The following DLG2 variants were observed in gnomAD, a reference collection of about 807,000 sequenced individuals.
DLG2 encodes the protein discs large MAGUK scaffold protein 2, also known as disks large homolog 2.
In DLG2, 45 loss-of-function variants were observed where a neutral mutation model predicts 132.5. The ratio of observed to expected loss-of-function variants is 0.34; its 90% confidence interval spans 0.27 to 0.44. The LOEUF is 0.44. Among genes scored for constraint, DLG2 ranks in the 20% least tolerant of loss-of-function variants. The pLI is 1.00. For missense variants in DLG2, 1,045 were observed against 1,196.9 expected, an observed-to-expected ratio of 0.87 and a Z score of 1.87; for synonymous variants, 424 against 419.6, an observed-to-expected ratio of 1.01 and a Z score of -0.13.
chr11:85,355,071 T>C (rs956389746), intron 3 of DLG2, among the ~76,000 whole-genome samples: 7 of 152,192 alleles, frequency 4.6e-5, no homozygotes, highest in Non-Finnish European at 1.0e-4. Context: ...TAATATGCCA[T>C]TTAATAAATC....
At chr11:84,134,692 CTG>C (rs5793105) in intron 9 of DLG2, among the ~76,000 whole-genome samples, 69 of 149,624 alleles carry the variant, frequency 4.6e-4, no homozygotes, top group East Asian at 2.0e-3. Flanking sequence ...CTTTTGTTAT[CTG>C]TGTGTGTGTG....
At chr11:84,755,635 G>A (rs1447348622) in intron 6 of DLG2, among the ~76,000 whole-genome samples, 3 of 152,222 alleles carry the variant, frequency 2.0e-5, no homozygotes, top group Non-Finnish European at 4.4e-5. Context: ...GTGTTAGCCA[G>A]GATGGACTCA....
chr11:83,655,754 C>G (rs571383707), intron 18 of DLG2, among the ~76,000 whole-genome samples: 1 of 152,334 alleles, frequency 6.6e-6, no homozygotes, highest in South Asian at 2.1e-4. Context: ...CCCTGGCCTA[C>G]CAACCCCTCT....
rs113376066 is a variant in DLG2 at position 83,833,377 on chromosome 11, G to A, written c.1722+237C>T. Among the ~76,000 whole-genome samples the A allele has an allele frequency of 8.3e-3, 1,261 of 152,310 alleles. 11 individuals are homozygous for A. Among genetic ancestry groups the A allele is most frequent in the East Asian group, 0.027 (140 of 5,190 alleles). On this transcript the variant is annotated intron_variant, in intron 17 of 27. Coordinates refer to ENST00000376104, the MANE Select transcript of DLG2 (RefSeq NM_001142699.3). ...CACCTCAACCCGGGAGGCAGAGGTT[G>A]CAGTGAGCTGAGATCCTGCCACTGC... is the stretch of plus-strand genomic sequence containing the variant.
intron 6 of DLG2, among the ~76,000 whole-genome samples, chr11:84,927,292 G>A (rs1455782221): frequency 6.6e-6 from 1 of 151,892 alleles, no homozygotes; most frequent in African/African-American, 2.4e-5. Flanking sequence ...AGTTCTTATA[G>A]GTAGATAGAG....
At chr11:84,271,903 G>A (rs188715666) in intron 7 of DLG2, among the ~76,000 whole-genome samples, 2 of 135,320 alleles carry the variant, frequency 1.5e-5, no homozygotes, top group Non-Finnish European at 3.0e-5. Flanking sequence ...CTCCGTGAAC[G>A]AGGAAATACT....
At chr11:84,847,345 C>T (rs1812110981) in intron 6 of DLG2, among the ~76,000 whole-genome samples, 1 of 152,064 alleles carries the variant, frequency 6.6e-6, no homozygotes, top group African/African-American at 2.4e-5. Context: ...CTTGCATTAA[C>T]ATGAAAAGTA....
intron 3 of DLG2, among the ~76,000 whole-genome samples, chr11:85,467,085 G>A (rs1250597840): frequency 6.6e-6 from 1 of 152,130 alleles, no homozygotes; most frequent in South Asian, 2.1e-4. Context: ...GTGAATGGGA[G>A]TTCACTCATG....
chr11:84,473,287 G>T (rs2099113309), intron 7 of DLG2, among the ~76,000 whole-genome samples: 1 of 151,930 alleles, frequency 6.6e-6, no homozygotes, highest in Non-Finnish European at 1.5e-5. Context: ...CTCATTTTGA[G>T]GCCACTAAAG....
intron 6 of DLG2, among the ~76,000 whole-genome samples, chr11:84,994,263 C>A (rs988164359): frequency 9.9e-5 from 15 of 152,156 alleles, no homozygotes; most frequent in Non-Finnish European, 1.8e-4. Flanking sequence ...CCTCATGTAG[C>A]CACTATTTTA....
chr11:85,191,559 C>A (rs2080578467), intron 4 of DLG2, among the ~76,000 whole-genome samples: 1 of 152,170 alleles, frequency 6.6e-6, no homozygotes, highest in Non-Finnish European at 1.5e-5. Flanking sequence ...CATATCCCAT[C>A]ACTAATTTTC....
intron 7 of DLG2, among the ~76,000 whole-genome samples, chr11:84,399,529 G>A (rs528640488): frequency 1.3e-5 from 2 of 152,186 alleles, no homozygotes; most frequent in South Asian, 2.1e-4. Context: ...GAGTTCAAGC[G>A]ATTATCCTGC....
chr11:84,352,513 C>A (rs1402214716), intron 7 of DLG2, among the ~76,000 whole-genome samples: 1 of 152,008 alleles, frequency 6.6e-6, no homozygotes, highest in South Asian at 2.1e-4. Flanking sequence ...ACTACATTTC[C>A]CAGAATTTTG....
At chr11:85,013,060 G>A (rs2059285650) in intron 6 of DLG2, among the ~76,000 whole-genome samples, 1 of 152,256 alleles carries the variant, frequency 6.6e-6, no homozygotes, top group South Asian at 2.1e-4. Flanking sequence ...TGCCTTCAGA[G>A]ATAGTATTTA....
chr11:84,668,426 A>AACC, intron 6 of DLG2, among the ~76,000 whole-genome samples: 1 of 152,302 alleles, frequency 6.6e-6, no homozygotes, highest in African/African-American at 2.4e-5. Flanking sequence ...AATAGAAGGT[A>AACC]ACCAGCTTCC....
At chr11:84,671,284 G>A (rs2099705664) in intron 6 of DLG2, among the ~76,000 whole-genome samples, 1 of 151,670 alleles carries the variant, frequency 6.6e-6, no homozygotes, top group Admixed American at 6.6e-5. Context: ...AATTTTTTTT[G>A]TAGAGACAGG....
intron 21 of DLG2, among the ~76,000 whole-genome samples, chr11:83,505,364 A>C (rs2094641008): frequency 6.6e-6 from 1 of 152,138 alleles, no homozygotes; most frequent in Non-Finnish European, 1.5e-5. Context: ...GCCCATGCAT[A>C]ATCTCCATCC....
chr11:84,371,016 A>G (rs560451251), intron 7 of DLG2, among the ~76,000 whole-genome samples: 2 of 152,134 alleles, frequency 1.3e-5, no homozygotes, highest in Non-Finnish European at 2.9e-5. Context: ...CTTTTTTATA[A>G]ATCCAGTTGC....
chr11:84,095,303 G>A (rs748231948), intron 10 of DLG2, among the ~76,000 whole-genome samples: 4 of 152,054 alleles, frequency 2.6e-5, no homozygotes, highest in Admixed American at 6.6e-5. Flanking sequence ...TAAGGAGTTC[G>A]GTTATCTCAC....
Sources: gnomAD v4.1 joint callset for allele counts (sites outside exome capture counted in the v4.1 genomes callset) on GRCh38, gnomAD v4.1.1 for gene constraint, MANE v1.5 for transcripts, NCBI Gene and HGNC (gene_info 2026-07-23, HGNC 2026-07-21) for gene names.